The following MROH9 variants were observed in gnomAD, a reference collection of about 807,000 sequenced individuals.
MROH9 encodes maestro heat like repeat family member 9.
MROH9 carries 92 observed loss-of-function variants against 98.2 expected under a neutral mutation model. The ratio of observed to expected loss-of-function variants is 0.94; its 90% confidence interval spans 0.79 to 1.11. The LOEUF (loss-of-function observed/expected upper bound fraction) is 1.11. MROH9 is among the 50% of genes most tolerant of loss of function. The probability of loss-of-function intolerance (pLI) is 0.00; values close to 1 mark genes in which losing one functional copy is unlikely to be tolerated. For missense variants in MROH9, 1,057 were observed against 1,014.8 expected, an observed-to-expected ratio of 1.04 and a Z score of -0.57; for synonymous variants, 397 against 368.9, an observed-to-expected ratio of 1.08 and a Z score of -0.87.
Position 170,947,687 on chromosome 1 carries a change from G to A in MROH9, c.72+114G>A. The A allele has an allele frequency of 1.2e-5, 11 of 937,706 alleles. 2 individuals carry two copies. The South Asian group carries it at 1.7e-4, about 14-fold the overall frequency. 58.1% of individuals were successfully genotyped at this position (937,706 alleles called of 1,614,324 possible). A position where few individuals can be genotyped will look rare whatever the true frequency, so the allele number is the denominator to read the frequency against. Reference sequence around the variant, plus strand: ...GTAATGTTTAAAATACATGTGTTGGGGGAGAAAGGGGAAAAAAAGGCAATT... The same window carrying A: ...GTAATGTTTAAAATACATGTGTTGGAGGAGAAAGGGGAAAAAAAGGCAATT... On this transcript the variant is annotated intron_variant, in intron 3 of 21. Transcript: ENST00000367759.
At chr1:171,001,373 A>G (rs1307723643) in intron 15 of MROH9, among the ~76,000 whole-genome samples, 2 of 152,068 alleles carry the variant, frequency 1.3e-5, no homozygotes, top group African/African-American at 4.8e-5. Flanking sequence ...TTTTTGACAT[A>G]GGCATTTAGG....
At chr1:171,007,213 G>A (rs1233871563) in intron 15 of MROH9, among the ~76,000 whole-genome samples, 1 of 152,202 alleles carries the variant, frequency 6.6e-6, no homozygotes, top group East Asian at 1.9e-4. Flanking sequence ...TCTGGGACTT[G>A]TGGTTGGCTG....
chr1:170,967,812 CA>C (rs1650290443), intron 7 of MROH9, among the ~76,000 whole-genome samples: 1 of 152,048 alleles, frequency 6.6e-6, no homozygotes, highest in Non-Finnish European at 1.5e-5. Flanking sequence ...GTAAGTTAAG[CA>C]TGTCAACTTA....
At chr1:170,957,484 T>A (rs958788779) in intron 3 of MROH9, among the ~76,000 whole-genome samples, 1 of 152,188 alleles carries the variant, frequency 6.6e-6, no homozygotes, top group African/African-American at 2.4e-5. Context: ...TGACCATATA[T>A]TAATAGATTT....
At chr1:170,996,404 A>C (rs1390969396) in intron 13 of MROH9, 103 bp from the exon 14 acceptor site, 2 of 1,315,238 alleles carry the variant, frequency 1.5e-6, no homozygotes, top group Non-Finnish European at 2.1e-6. Context: ...CCTTTCTCAA[A>C]ACCTATATTC....
At chr1:171,022,907 A>G (rs547424188) in intron 17 of MROH9, among the ~76,000 whole-genome samples, 1 of 152,368 alleles carries the variant, frequency 6.6e-6, no homozygotes, top group South Asian at 2.1e-4. Flanking sequence ...AACTAAGGCA[A>G]AGAGAAGGCA....
intron 10 of MROH9, among the ~76,000 whole-genome samples, chr1:170,988,306 A>G (rs1571479994): frequency 6.6e-6 from 1 of 152,140 alleles, no homozygotes; most frequent in Admixed American, 6.5e-5. Flanking sequence ...AAATTCATAG[A>G]GCAGGAAAGG....
chr1:170,956,797 GCAAA>G (rs1649780772), intron 3 of MROH9, among the ~76,000 whole-genome samples: 1 of 151,902 alleles, frequency 6.6e-6, no homozygotes, highest in South Asian at 2.1e-4. Context: ...CACATCGTCA[GCAAA>G]CAGTGACCGT....
chr1:171,014,311 G>A, intron 16 of MROH9, 57 bp downstream of exon 16: 1 of 1,480,066 alleles, frequency 6.8e-7, no homozygotes, highest in Non-Finnish European at 9.1e-7. Flanking sequence ...CTGAGATTTT[G>A]ATGTCACTTA....
intron 20 of MROH9, among the ~76,000 whole-genome samples, chr1:171,040,616 AC>A (rs1447672337): frequency 6.6e-6 from 1 of 152,114 alleles, no homozygotes; most frequent in East Asian, 1.9e-4. Context: ...CAGAATGGAC[AC>A]CCTCTAGCCA....
rs78360341 is a variant in MROH9 at position 171,036,233 on chromosome 1, C to A, written c.2281+10813C>A. Among the ~76,000 whole-genome samples, 1,115 of 152,096 alleles carry A rather than the reference C, an allele frequency of 7.3e-3. 16 individuals are homozygous for A. The highest frequency in any genetic ancestry group is 0.025 in the African/African-American group (1,024 of 41,530). ...CACTTGGGGAGAAAATAAAAGGGAG[C>A]CTCGGAGAGAGTTTCTGGATTACTG... On this transcript the variant is annotated intron_variant, in intron 20 of 21. Transcript: ENST00000367759.
intron 20 of MROH9, among the ~76,000 whole-genome samples, chr1:171,056,813 G>A (rs929031005): frequency 6.6e-6 from 1 of 152,150 alleles, no homozygotes; most frequent in Non-Finnish European, 1.5e-5. Flanking sequence ...AGACGCAGGA[G>A]TAAACCAGAT....
intron 20 of MROH9, among the ~76,000 whole-genome samples, chr1:171,049,809 T>C (rs1003113561): frequency 1.3e-5 from 2 of 152,074 alleles, no homozygotes; most frequent in African/African-American, 4.8e-5. Flanking sequence ...GCCCCCTAAG[T>C]AGCTAGGACT....
At chr1:171,032,475 T>G (rs1234536322) in intron 20 of MROH9, among the ~76,000 whole-genome samples, 1 of 152,042 alleles carries the variant, frequency 6.6e-6, no homozygotes, top group African/African-American at 2.4e-5. Flanking sequence ...GGCTTTTTTG[T>G]TGTTGTTTTT....
intron 20 of MROH9, among the ~76,000 whole-genome samples, chr1:171,038,017 G>A (rs1198873166): frequency 6.6e-6 from 1 of 151,934 alleles, no homozygotes; most frequent in Non-Finnish European, 1.5e-5. Context: ...AAAATTGGCT[G>A]AGTTGGGGAA....
chr1:171,010,419 T>C (rs1652110141), intron 15 of MROH9, among the ~76,000 whole-genome samples: 3 of 152,154 alleles, frequency 2.0e-5, no homozygotes, highest in Admixed American at 2.0e-4. Flanking sequence ...GTCTTTAGAG[T>C]AGAATGACTT....
intron 3 of MROH9, among the ~76,000 whole-genome samples, chr1:170,955,798 G>A (rs535149767): frequency 7.9e-5 from 12 of 152,198 alleles, no homozygotes; most frequent in South Asian, 4.1e-4. Flanking sequence ...TCCTTTTGCC[G>A]TACAAAAGCT....
At chr1:170,936,688 A>C (rs1038910814) in intron 1 of MROH9, among the ~76,000 whole-genome samples, 1 of 152,222 alleles carries the variant, frequency 6.6e-6, no homozygotes, top group East Asian at 1.9e-4. Context: ...AAATAAAGTC[A>C]ATAAGAAGCT....
At chr1:171,017,105 A>G (rs1486899492) in intron 17 of MROH9, among the ~76,000 whole-genome samples, 1 of 152,246 alleles carries the variant, frequency 6.6e-6, no homozygotes. Context: ...ACATAAACAC[A>G]TTAGAATAGT....
Sources: gnomAD v4.1 joint callset for allele counts (sites outside exome capture counted in the v4.1 genomes callset) on GRCh38, gnomAD v4.1.1 for gene constraint, MANE v1.5 for transcripts, NCBI Gene and HGNC (gene_info 2026-07-23, HGNC 2026-07-21) for gene names.